The following RORA variants were observed in gnomAD, a reference collection of about 807,000 sequenced individuals.
RORA encodes RAR related orphan receptor A.
A neutral mutation model predicts 69.5 loss-of-function variants in RORA; 7 were observed. That is an observed-to-expected ratio of 0.10 (90% CI 0.06 to 0.19). RORA has a LOEUF of 0.19. Ranked by LOEUF, RORA falls within the 10% of genes least tolerant of loss-of-function variation. The pLI, the probability that RORA is intolerant of heterozygous loss-of-function variation, is 1.00. For missense variants in RORA, 457 were observed against 663.0 expected (o/e 0.69, Z 3.41); for synonymous variants, 261 against 240.8 (o/e 1.08, Z -0.78).
intron 1 of RORA, among the ~76,000 whole-genome samples, chr15:60,789,541 T>C (rs548934055): frequency 6.6e-6 from 1 of 152,366 alleles, no homozygotes; most frequent in Admixed American, 6.5e-5. Flanking sequence ...CCATACCGTT[T>C]CTTGATAATC....
At chr15:60,750,021 C>T (rs972858766) in intron 1 of RORA, among the ~76,000 whole-genome samples, 4 of 152,208 alleles carry the variant, frequency 2.6e-5, no homozygotes, top group Non-Finnish European at 4.4e-5. Flanking sequence ...CAGAGCAAGA[C>T]TCTGTCTTAA....
Position 60,493,163 on chromosome 15 carries a change from A to T in RORA, c.*4292T>A, listed in dbSNP as rs935183126. On this transcript the variant is annotated 3_prime_UTR_variant, in exon 11 of 11. Coordinates refer to ENST00000335670, the MANE Select transcript of RORA (RefSeq NM_134261.3). ...AAAATAACTTTTTATTATTATCTTA[A>T]AATAATAGCATTGGAAGGACATATG... The T allele has an allele frequency of 1.3e-5, 2 of 152,156 alleles. No individual in the cohort carries two copies. Among genetic ancestry groups the T allele is most frequent in the African/African-American group, 4.8e-5 (2 of 41,434 alleles). The allele number at this position is 152,156 out of a possible 1,614,324, so 9.4% of individuals were successfully genotyped here.
intron 1 of RORA, among the ~76,000 whole-genome samples, chr15:61,006,660 C>T (rs1481505142): frequency 6.6e-6 from 1 of 152,150 alleles, no homozygotes; most frequent in African/African-American, 2.4e-5. Context: ...CAGTGGTATT[C>T]TCCAGACTCC....
At chr15:61,163,416 G>A (rs937784237) in intron 1 of RORA, among the ~76,000 whole-genome samples, 2 of 152,154 alleles carry the variant, frequency 1.3e-5, no homozygotes, top group Admixed American at 1.3e-4. Context: ...CATAAATTCT[G>A]CCAGGTAAAG....
At chr15:60,998,824 C>T (rs1894654111) in intron 1 of RORA, among the ~76,000 whole-genome samples, 2 of 152,206 alleles carry the variant, frequency 1.3e-5, no homozygotes, top group African/African-American at 4.8e-5. Flanking sequence ...AATCTCGAAA[C>T]AACACCTCAG....
At chr15:60,742,133 G>T (rs979273959) in intron 1 of RORA, among the ~76,000 whole-genome samples, 1 of 152,026 alleles carries the variant, frequency 6.6e-6, no homozygotes, top group African/African-American at 2.4e-5. Flanking sequence ...ATATATATGT[G>T]TATGTATTGG....
In RORA at chr15:60,492,263, CTT is replaced by C. The variant is rs754105516; in HGVS notation, c.*5190_*5191del. ...CAACAATTACATTGAACTTCTCTGA[CTT>C]TATGGAAAGTAATATGTGGAATATG... On this transcript the variant is annotated 3_prime_UTR_variant, in exon 11 of 11. Transcript: ENST00000335670. 3 of 152,148 alleles carry C rather than the reference CTT, an allele frequency of 2.0e-5. No homozygotes were observed. The highest frequency in any genetic ancestry group is 4.4e-5 in the Non-Finnish European group (3 of 68,000). The allele number at this position is 152,148 out of a possible 1,614,324, so 9.4% of individuals were successfully genotyped here.
chr15:60,786,751 G>C (rs989181255), intron 1 of RORA, among the ~76,000 whole-genome samples: 1 of 152,224 alleles, frequency 6.6e-6, no homozygotes, highest in Non-Finnish European at 1.5e-5. Flanking sequence ...GCCCTGTCTT[G>C]CCTGGGACTG....
At chr15:61,124,529 C>A (rs2079128115) in intron 1 of RORA, among the ~76,000 whole-genome samples, 1 of 152,162 alleles carries the variant, frequency 6.6e-6, no homozygotes, top group South Asian at 2.1e-4. Context: ...GGCTTTCTAG[C>A]CAGAGAATCC....
intron 1 of RORA, among the ~76,000 whole-genome samples, chr15:61,101,798 A>T (rs761408070): frequency 5.9e-5 from 9 of 152,018 alleles, no homozygotes; most frequent in Non-Finnish European, 1.2e-4. Context: ...GGGAGATGGT[A>T]CAGAGGGCCA....
chr15:60,536,545 G>C (rs953625965), intron 2 of RORA, among the ~76,000 whole-genome samples: 2 of 152,194 alleles, frequency 1.3e-5, no homozygotes, highest in Admixed American at 6.5e-5. Context: ...GAGTGTCACA[G>C]GGAATTGGTT....
chr15:60,821,280 G>C (rs341375), intron 1 of RORA, among the ~76,000 whole-genome samples: 148,558 of 152,292 alleles, frequency 0.98, 72,556 homozygotes, highest in East Asian at 1. Context: ...TCCCTGCTGT[G>C]TGCTGTTCCC....
At chr15:61,119,230 G>C (rs979281755) in intron 1 of RORA, among the ~76,000 whole-genome samples, 1 of 151,736 alleles carries the variant, frequency 6.6e-6, no homozygotes, top group Non-Finnish European at 1.5e-5. Context: ...GCAGGGTCTC[G>C]CTTTGTCACC....
At chr15:61,157,231 G>A (rs1291391196) in intron 1 of RORA, among the ~76,000 whole-genome samples, 1 of 152,084 alleles carries the variant, frequency 6.6e-6, no homozygotes, top group African/African-American at 2.4e-5. Context: ...ACACCTCTTA[G>A]GGAAATAAAA....
intron 1 of RORA, among the ~76,000 whole-genome samples, chr15:60,979,481 A>G (rs894261826): frequency 7.9e-5 from 12 of 152,060 alleles, no homozygotes; most frequent in African/African-American, 1.7e-4. Flanking sequence ...CTTCCAATCC[A>G]TAAACATAGA....
chr15:60,537,093 T>A lies in RORA; in HGVS notation c.197-5242A>T, dbSNP rs1595931518. 2.6e-5 allele frequency among the ~76,000 whole-genome samples: 4 copies of A among 152,356 alleles called. No homozygotes were observed. In the East Asian group the frequency reaches 7.7e-4, roughly 29 times the overall value. On this transcript the variant is annotated intron_variant, in intron 2 of 10. Coordinates refer to ENST00000335670, the MANE Select transcript of RORA (RefSeq NM_134261.3). This position sits in a 1 kb window ranked among gnomAD's most constrained non-coding sequence, Gnocchi z 4.9. The stretch of plus-strand genomic sequence containing the variant: ...CTTTATTTTATCCCCTGTTTAAAAC[T>A]GCCAGGGTATTAAAGGCTTCTGCAG...
chr15:61,221,451 C>T (rs147459264), intron 1 of RORA, among the ~76,000 whole-genome samples: 31 of 152,182 alleles, frequency 2.0e-4, no homozygotes, highest in African/African-American at 6.7e-4. Context: ...AAAAGTCAGA[C>T]GATTTTATAT....
intron 1 of RORA, among the ~76,000 whole-genome samples, chr15:61,107,173 A>G (rs2078959606): frequency 6.6e-6 from 1 of 152,130 alleles, no homozygotes; most frequent in African/African-American, 2.4e-5. Context: ...TGTTTCTAAT[A>G]CGCCCATCAA....
chr15:61,137,091 GAAAGAAA>G (rs2079252257), intron 1 of RORA, among the ~76,000 whole-genome samples: 1 of 141,844 alleles, frequency 7.1e-6, no homozygotes, highest in Non-Finnish European at 1.5e-5. Context: ...AAGAAAGAAA[GAAAGAAA>G]GAAAAAAGCA....
Sources: gnomAD v4.1 joint callset for allele counts (sites outside exome capture counted in the v4.1 genomes callset) on GRCh38, gnomAD v4.1.1 for gene constraint, Gnocchi (gnomAD v3.1) non-coding constraint, MANE v1.5 for transcripts, NCBI Gene and HGNC (gene_info 2026-07-23, HGNC 2026-07-21) for gene names.